The following AKAP1 variants were observed in gnomAD, a reference collection of about 807,000 sequenced individuals.
AKAP1 encodes A-kinase anchoring protein 1.
Under a neutral mutation model 79.8 loss-of-function variants are expected in AKAP1, and 32 were observed. The observed-to-expected ratio is 0.40, with a 90% confidence interval of 0.30 to 0.54. The LOEUF (loss-of-function observed/expected upper bound fraction) is 0.54. AKAP1 is among the 20% of genes least tolerant of loss of function. AKAP1 has a pLI of 0.47. For missense variants in AKAP1, 961 were observed against 1,138.9 expected (o/e 0.84, Z 2.25); for synonymous variants, 416 against 466.7 (o/e 0.89, Z 1.40).
intron 2 of AKAP1, among the ~76,000 whole-genome samples, chr17:57,108,515 T>A (rs1915035306): frequency 6.6e-6 from 1 of 152,206 alleles, no homozygotes; most frequent in Non-Finnish European, 1.5e-5. Flanking sequence ...CAACTCTAGA[T>A]GGATAGTAGT....
chr17:57,119,156 G>GA, intron 10 of AKAP1, 112 bp downstream of exon 10: 1 of 1,162,854 alleles, frequency 8.6e-7, no homozygotes, highest in Non-Finnish European at 1.3e-6. Flanking sequence ...TATAACTGTA[G>GA]ACAAGCACCT....
chr17:57,098,910 C>T (rs1335589544), intron 1 of AKAP1, among the ~76,000 whole-genome samples: 1 of 148,044 alleles, frequency 6.8e-6, no homozygotes, highest in Non-Finnish European at 1.5e-5. Flanking sequence ...TACAGGTGCC[C>T]GCCACCAAGC....
chr17:57,105,308 C>T (rs977392292), intron 1 of AKAP1, 133 bp from the exon 2 acceptor site: 5 of 845,508 alleles, frequency 5.9e-6, no homozygotes, highest in Non-Finnish European at 9.7e-6. Context: ...GAGGTGTGCT[C>T]CTCTTGGAGG....
chr17:57,104,261 C>T (rs1360932587), intron 1 of AKAP1, among the ~76,000 whole-genome samples: 1 of 152,132 alleles, frequency 6.6e-6, no homozygotes, highest in Admixed American at 6.6e-5. Context: ...GCCACTGCGC[C>T]CAGCCTCGAT....
rs1258261874 is a variant in AKAP1, at chr17:57,114,539, C to T, written c.2184C>T (p.His728=). ...VNAGHLFVQQ[H]THPTFHALRS... is the part of the protein sequence containing the mutation. ...CCGGGCACCTGTTCGTGCAGCAGCA[C>T]ACACACCCTACCTTCCACGCGCTGC... The change falls in exon 6 of 11, where the codon CAC becomes CAT. Residue 728 remains histidine, a synonymous_variant. Transcript: ENST00000337714. 3 of 1,614,116 alleles carry T rather than the reference C, an allele frequency of 1.9e-6. No individual in the cohort carries two copies. The African/African-American group carries it at 4.0e-5, about 22-fold the overall frequency.
chr17:57,108,200 T>C lies in AKAP1; in HGVS notation c.1714+1022T>C, dbSNP rs564493589. Among the ~76,000 whole-genome samples, 7 of 152,302 alleles carry C rather than the reference T, an allele frequency of 4.6e-5. No homozygotes were observed. In the East Asian group the frequency reaches 1.2e-3, roughly 25 times the overall value. On this transcript the variant is annotated intron_variant, in intron 2 of 10. Coordinates refer to ENST00000337714, the MANE Select transcript of AKAP1 (RefSeq NM_003488.4). ...CAGCTCCGGGTAGGTTGGGAATCTT[T>C]ATTGGGAATTTTACCACTTTCAGCA...
intron 1 of AKAP1, among the ~76,000 whole-genome samples, chr17:57,103,960 CTT>C (rs1914682393): frequency 6.6e-6 from 1 of 152,178 alleles, no homozygotes; most frequent in African/African-American, 2.4e-5. Flanking sequence ...ACCTAACTGA[CTT>C]AGGTTTCTAG....
chr17:57,102,258 G>GT (rs1914561352), intron 1 of AKAP1, among the ~76,000 whole-genome samples: 2 of 151,896 alleles, frequency 1.3e-5, no homozygotes, highest in South Asian at 2.1e-4. Context: ...TTTTGTTTTT[G>GT]TTTTTTTAAT....
Position 57,116,097 on chromosome 17 carries a change from T to C in AKAP1, c.2282-14T>C, listed in dbSNP as rs373587619. On this transcript the variant is annotated splice_polypyrimidine_tract_variant and intron_variant, in intron 6 of 10. Coordinates refer to ENST00000337714, the MANE Select transcript of AKAP1 (RefSeq NM_003488.4). ...GGCCCAGGCGTTCCACGCACTCTGCTCCCTACCCTGCAGTAACGGTCATCT... is the reference window on the plus strand; with the variant it reads ...GGCCCAGGCGTTCCACGCACTCTGCCCCCTACCCTGCAGTAACGGTCATCT... The C allele has an allele frequency of 8.4e-5, 135 of 1,610,592 alleles. No homozygotes were observed. In the Middle Eastern group the frequency reaches 9.9e-4, roughly 12 times the overall value.
rs762671908 is a variant in AKAP1, at chr17:57,107,017, ACT to A, written c.1556_1557del (p.Ser519LeufsTer39). 1 of 1,613,258 alleles carries A rather than the reference ACT, an allele frequency of 6.2e-7. No homozygotes were observed. The highest frequency in any genetic ancestry group is 2.2e-5 in the East Asian group (1 of 44,828). On this transcript the variant is annotated frameshift_variant, in exon 2 of 11. Coordinates refer to ENST00000337714, the MANE Select transcript of AKAP1 (RefSeq NM_003488.4). LOFTEE classifies it high-confidence loss of function. ...TCTTTCAGCACTTCAGGGCTTGAAGACTCTTGCACAGAGACCAGCTCGAGCCC... is the reference window on the plus strand; with the variant it reads ...TCTTTCAGCACTTCAGGGCTTGAAGACTTGCACAGAGACCAGCTCGAGCCC...
At chr17:57,116,766 G>A (rs1376731770) in intron 7 of AKAP1, 94 bp from the exon 8 acceptor site, 2 of 1,229,298 alleles carry the variant, frequency 1.6e-6, no homozygotes, top group Admixed American at 1.7e-5. Flanking sequence ...CTGCATCCCA[G>A]GTTATGGGCG....
At chr17:57,109,467 G>A (rs184667025) in intron 2 of AKAP1, among the ~76,000 whole-genome samples, 122 of 152,358 alleles carry the variant, frequency 8.0e-4, no homozygotes, top group Non-Finnish European at 1.4e-3. Flanking sequence ...AGGAACGAGC[G>A]GGTCCCCGCT....
In AKAP1 at chr17:57,120,455, C is replaced by T. The variant is rs115395720; in HGVS notation, c.*131C>T. On this transcript the variant is annotated 3_prime_UTR_variant, in exon 11 of 11. Coordinates refer to ENST00000337714, the MANE Select transcript of AKAP1 (RefSeq NM_003488.4). ...GTCCTTTCTTTCTCCATACTGTAGT[C>T]CTATTGAGAAGACATTTCGTCTCTG... The T allele has an allele frequency of 2.5e-5, 18 of 720,984 alleles. No individual in the cohort carries two copies. The highest frequency in any genetic ancestry group is 3.6e-5 in the Non-Finnish European group (16 of 441,748). The allele number at this position is 720,984 out of a possible 1,614,324, so 44.7% of individuals were successfully genotyped here. A position where few individuals can be genotyped will look rare whatever the true frequency, so the allele number is the denominator to read the frequency against.
intron 1 of AKAP1, among the ~76,000 whole-genome samples, chr17:57,101,172 T>C (rs1914483679): frequency 6.6e-6 from 1 of 152,194 alleles, no homozygotes; most frequent in African/African-American, 2.4e-5. Context: ...ATTACCACTT[T>C]TTTGGGTGTG....
Position 57,106,048 on chromosome 17 carries a change from G to C in AKAP1, c.584G>C (p.Arg195Thr), listed in dbSNP as rs777170924. The change falls in exon 2 of 11, where the codon AGG becomes ACG. Residue 195 changes from arginine (R) to threonine (T), a missense_variant. Transcript: ENST00000337714. ...VPAEKRSSGERARETGGAEGT... is the reference protein window; with the variant it reads ...VPAEKRSSGETARETGGAEGT... ...GCAGAGAAGCGTAGCTCTGGGGAGA[G>C]GGCAAGAGAGACAGGTGGGGCCGAA... The C allele has an allele frequency of 6.2e-7, 1 of 1,611,626 alleles. No individual in the cohort carries two copies. Among genetic ancestry groups the C allele is most frequent in the Non-Finnish European group, 8.5e-7 (1 of 1,178,722 alleles).
chr17:57,103,605 A>T (rs1040084811), intron 1 of AKAP1, among the ~76,000 whole-genome samples: 29 of 152,240 alleles, frequency 1.9e-4, no homozygotes, highest in African/African-American at 6.8e-4. Flanking sequence ...AGTTGTTAAA[A>T]CATGTGCATT....
At chr17:57,103,249 GAT>G (rs1446412966) in intron 1 of AKAP1, among the ~76,000 whole-genome samples, 1 of 152,236 alleles carries the variant, frequency 6.6e-6, no homozygotes, top group Non-Finnish European at 1.5e-5. Context: ...TATCTTTAAA[GAT>G]ATAGGGACTT....
In AKAP1 at chr17:57,120,413, A is replaced by G. The variant is rs767981069; in HGVS notation, c.*89A>G. ...AAAGATGAACATCGGAATAACAAAC[A>G]TTGTCCTCTCCAGAAAGTCCTTTCT... On this transcript the variant is annotated 3_prime_UTR_variant, in exon 11 of 11. Coordinates refer to ENST00000337714, the MANE Select transcript of AKAP1 (RefSeq NM_003488.4). 4.3e-6 allele frequency: 5 copies of G among 1,168,512 alleles called. No homozygotes were observed. The highest frequency in any genetic ancestry group is 1.4e-5 in the South Asian group (1 of 72,606). The allele number at this position is 1,168,512 out of a possible 1,614,324, so 72.4% of individuals were successfully genotyped here. A position where few individuals can be genotyped will look rare whatever the true frequency, so the allele number is the denominator to read the frequency against.
chr17:57,100,645 C>A (rs557016953), intron 1 of AKAP1, among the ~76,000 whole-genome samples: 3 of 152,072 alleles, frequency 2.0e-5, no homozygotes, highest in Non-Finnish European at 4.4e-5. Context: ...AACAAACAAA[C>A]AAACTGACCG....
Sources: allele counts gnomAD v4.1 joint callset (sites outside exome capture counted in the v4.1 genomes callset), GRCh38; gene constraint gnomAD v4.1.1; transcripts MANE v1.5; gene names NCBI Gene and HGNC (gene_info 2026-07-23, HGNC 2026-07-21).